The following SPOCK1 variants were observed in gnomAD, a reference collection of about 807,000 sequenced individuals.
SPOCK1 encodes the protein SPARC (osteonectin), cwcv and kazal like domains proteoglycan 1, also known as testican-1.
In SPOCK1, 23 loss-of-function variants were observed where a neutral mutation model predicts 55.3. The ratio of observed to expected loss-of-function variants is 0.42; its 90% CI spans 0.30 to 0.59. SPOCK1 has a LOEUF of 0.59. Ranked by LOEUF, SPOCK1 falls within the 20% of genes least tolerant of loss-of-function variation. The pLI is 0.22. For missense variants in SPOCK1, 499 were observed against 552.5 expected (o/e 0.90, Z 0.97); for synonymous variants, 226 against 221.0 (o/e 1.02, Z -0.20).
chr5:137,340,018 A>G (rs1750383728), intron 2 of SPOCK1, among the ~76,000 whole-genome samples: 1 of 152,084 alleles, frequency 6.6e-6, no homozygotes, highest in African/African-American at 2.4e-5. Context: ...TGGGAATGTG[A>G]TATTTACAAG....
chr5:137,403,798 C>G (rs184441427), intron 2 of SPOCK1, among the ~76,000 whole-genome samples: 1 of 151,906 alleles, frequency 6.6e-6, no homozygotes, highest in African/African-American at 2.4e-5. Context: ...AGGAGATCAG[C>G]TTGGAGGGGT....
At chr5:137,372,006 T>C (rs746258359) in intron 2 of SPOCK1, among the ~76,000 whole-genome samples, 2 of 152,240 alleles carry the variant, frequency 1.3e-5, no homozygotes, top group Non-Finnish European at 1.5e-5. Context: ...TTCATTCTAA[T>C]ATTTTATTTA....
intron 2 of SPOCK1, among the ~76,000 whole-genome samples, chr5:137,444,814 T>TCTG (rs1753088604): frequency 6.6e-6 from 1 of 152,190 alleles, no homozygotes; most frequent in African/African-American, 2.4e-5. Context: ...AAAATCACCC[T>TCTG]CTGCTGACCA....
At chr5:137,302,231 A>G (rs1757605219) in intron 2 of SPOCK1, among the ~76,000 whole-genome samples, 1 of 152,168 alleles carries the variant, frequency 6.6e-6, no homozygotes, top group Non-Finnish European at 1.5e-5. Context: ...ATATTGTAGG[A>G]GATTCCTTTG....
chr5:137,268,717 G>A (rs926968948), intron 2 of SPOCK1, among the ~76,000 whole-genome samples: 2 of 106,830 alleles, frequency 1.9e-5, no homozygotes, highest in African/African-American at 8.0e-5. Flanking sequence ...ATTCTCACAA[G>A]TGGAGAAAAA....
intron 2 of SPOCK1, among the ~76,000 whole-genome samples, chr5:137,350,288 G>T (rs561291446): frequency 3.3e-5 from 5 of 152,166 alleles, no homozygotes; most frequent in Non-Finnish European, 5.9e-5. Context: ...GGAAAAGAAG[G>T]TCTGAAGGGA....
intron 4 of SPOCK1, among the ~76,000 whole-genome samples, chr5:137,117,388 C>T (rs1404279825): frequency 6.6e-6 from 1 of 152,200 alleles, no homozygotes; most frequent in African/African-American, 2.4e-5. Flanking sequence ...ATTGTTTATT[C>T]AAGCATTATA....
At chr5:137,033,101 G>A (rs112443883) in intron 6 of SPOCK1, among the ~76,000 whole-genome samples, 12 of 152,334 alleles carry the variant, frequency 7.9e-5, no homozygotes, top group African/African-American at 2.6e-4. Context: ...AGCTCAGCTC[G>A]GCTATGATGC....
intron 6 of SPOCK1, among the ~76,000 whole-genome samples, chr5:137,015,431 CAG>C (rs1379155200): frequency 6.6e-6 from 1 of 152,180 alleles, no homozygotes. Flanking sequence ...GCCTGGACGA[CAG>C]AGCAAGACTC....
At chr5:137,067,563 C>T (rs1039954602) in intron 6 of SPOCK1, 152 bp downstream of exon 6, 3 of 591,944 alleles carry the variant, frequency 5.1e-6, no homozygotes, top group Non-Finnish European at 9.0e-6. Context: ...GAAGGCAATT[C>T]GGTTTAGGGT....
At chr5:137,225,975 A>C (rs1865400) in intron 3 of SPOCK1, among the ~76,000 whole-genome samples, 59,961 of 152,064 alleles carry the variant, frequency 0.39, 12,902 homozygotes, top group Non-Finnish European at 0.47. Context: ...CACTTGGAGC[A>C]CGCCTCACCA....
At chr5:137,227,561 CA>C (rs1755968961) in intron 3 of SPOCK1, among the ~76,000 whole-genome samples, 2 of 152,178 alleles carry the variant, frequency 1.3e-5, no homozygotes, top group Admixed American at 1.3e-4. Context: ...CACTACCAGG[CA>C]TTGAGAATTG....
At chr5:137,474,614 T>C (rs1174013427) in intron 2 of SPOCK1, among the ~76,000 whole-genome samples, 4 of 152,284 alleles carry the variant, frequency 2.6e-5, no homozygotes, top group East Asian at 1.9e-4. Context: ...ACTGGGGAAA[T>C]GCAAGATAAG....
intron 3 of SPOCK1, among the ~76,000 whole-genome samples, chr5:137,189,583 C>T (rs1213443894): frequency 6.6e-6 from 1 of 152,202 alleles, no homozygotes; most frequent in Non-Finnish European, 1.5e-5. Flanking sequence ...TGCTCATTCA[C>T]AATGCATCTG....
intron 3 of SPOCK1, among the ~76,000 whole-genome samples, chr5:137,163,328 A>G (rs1319761744): frequency 1.3e-5 from 2 of 152,184 alleles, no homozygotes; most frequent in African/African-American, 4.8e-5. Flanking sequence ...CTGCCAGGGA[A>G]AGGCAGCAAA....
chr5:137,463,648 A>T (rs1192644751), intron 2 of SPOCK1, among the ~76,000 whole-genome samples: 1 of 152,158 alleles, frequency 6.6e-6, no homozygotes, highest in Non-Finnish European at 1.5e-5. Context: ...TTAATTGTAC[A>T]TTTAAAAATA....
chr5:137,004,979 G>A (rs905731095), intron 6 of SPOCK1, among the ~76,000 whole-genome samples: 1 of 152,198 alleles, frequency 6.6e-6, no homozygotes, highest in African/African-American at 2.4e-5. Context: ...AGAGCAAAAT[G>A]GCCTAGAGGC....
Position 136,978,145 on chromosome 5 carries a change from A to C in SPOCK1, c.*509T>G. Reference sequence around the variant, plus strand: ...TGAAAAAAACTAATTTTTAATAATAATCACCGGCAGTAACGGGGGCAGGGG... The same window carrying C: ...TGAAAAAAACTAATTTTTAATAATACTCACCGGCAGTAACGGGGGCAGGGG... On this transcript the variant is annotated 3_prime_UTR_variant, in exon 11 of 11. Transcript: ENST00000394945. The C allele has an allele frequency of 5.2e-6, 2 of 386,540 alleles. No individual in the cohort carries two copies. The highest frequency in any genetic ancestry group is 9.1e-6 in the Non-Finnish European group (2 of 218,750). 23.9% of individuals were successfully genotyped at this position (386,540 alleles called of 1,614,324 possible).
chr5:137,213,456 G>A (rs973944192), intron 3 of SPOCK1, among the ~76,000 whole-genome samples: 3 of 152,104 alleles, frequency 2.0e-5, no homozygotes, highest in Admixed American at 6.5e-5. Context: ...CTCATTTTAC[G>A]CCATCAAACC....
Sources: gnomAD v4.1 joint callset for allele counts (sites outside exome capture counted in the v4.1 genomes callset) on GRCh38, gnomAD v4.1.1 for gene constraint, MANE v1.5 for transcripts, NCBI Gene and HGNC (gene_info 2026-07-23, HGNC 2026-07-21) for gene names.